The following CHRDL1 variants were observed in gnomAD, a reference collection of about 807,000 sequenced individuals.
The protein encoded by CHRDL1 is chordin-like protein 1.
CHRDL1 carries 19 observed loss-of-function variants against 40.9 expected under a neutral mutation model. The observed-to-expected ratio is 0.46, with a 90% CI of 0.32 to 0.68. CHRDL1 has a LOEUF of 0.68. Among genes scored for constraint, CHRDL1 ranks in the 30% least tolerant of loss-of-function variants. The pLI, the probability that CHRDL1 is intolerant of heterozygous loss-of-function variation, is 0.03. For synonymous variants in CHRDL1, 136 were observed against 123.4 expected (o/e 1.10, Z -0.68); for missense variants, 329 against 352.1 (o/e 0.93, Z 0.53).
At chrX:110,722,328 A>T (rs1356869486) in intron 4 of CHRDL1, among the ~76,000 whole-genome samples, 1 of 110,098 alleles carries the variant, frequency 9.1e-6, no homozygotes, top group African/African-American at 3.3e-5. Flanking sequence ...TTTTGTGCTT[A>T]TCTGTTTGTT....
At chrX:110,766,445 C>T (rs1385161277) in intron 2 of CHRDL1, among the ~76,000 whole-genome samples, 2 of 111,327 alleles carry the variant, frequency 1.8e-5, no homozygotes, top group African/African-American at 3.3e-5. Context: ...AATCGATAGA[C>T]CATTAGCAAG....
intron 4 of CHRDL1, among the ~76,000 whole-genome samples, chrX:110,734,894 A>C (rs1237429781): frequency 8.9e-6 from 1 of 111,841 alleles, no homozygotes; most frequent in Non-Finnish European, 1.9e-5. Flanking sequence ...TAAATCAATG[A>C]TTCTTCACGA....
At chrX:110,691,141 G>C (rs767373577) in intron 8 of CHRDL1, among the ~76,000 whole-genome samples, 2 of 107,991 alleles carry the variant, frequency 1.9e-5, no homozygotes, top group East Asian at 5.8e-4. Context: ...TTGGGCCCGG[G>C]AAGTCGAGGC....
chrX:110,773,494 C>T (rs1007461896), intron 2 of CHRDL1, among the ~76,000 whole-genome samples: 1 of 110,341 alleles, frequency 9.1e-6, no homozygotes, highest in Admixed American at 9.6e-5. Flanking sequence ...TTTGGGAGGC[C>T]GAGGCGGGCG....
chrX:110,691,488 C>T (rs779042910), intron 8 of CHRDL1, among the ~76,000 whole-genome samples: 29 of 110,313 alleles, frequency 2.6e-4, no homozygotes, highest in African/African-American at 8.6e-4. Flanking sequence ...ATTCCCATCA[C>T]CTCATCACAC....
intron 2 of CHRDL1, among the ~76,000 whole-genome samples, chrX:110,766,052 A>T (rs993852107): frequency 8.9e-6 from 1 of 111,869 alleles, no homozygotes; most frequent in African/African-American, 3.2e-5. Context: ...GAACCTTCAA[A>T]ACCACACAAA....
intron 4 of CHRDL1, among the ~76,000 whole-genome samples, chrX:110,734,958 T>C (rs1375738773): frequency 8.9e-6 from 1 of 112,177 alleles, no homozygotes; most frequent in Non-Finnish European, 1.9e-5. Context: ...ACTGCCTTCC[T>C]CTTCTCCCTG....
intron 4 of CHRDL1, among the ~76,000 whole-genome samples, chrX:110,722,222 C>T (rs1262221043): frequency 9.0e-6 from 1 of 110,986 alleles, no homozygotes; most frequent in Non-Finnish European, 1.9e-5. Context: ...CTCTCAAACT[C>T]CTGACCTCAA....
chrX:110,696,680 T>A (rs963579684), intron 7 of CHRDL1, among the ~76,000 whole-genome samples: 2 of 111,530 alleles, frequency 1.8e-5, no homozygotes, highest in Non-Finnish European at 3.8e-5. Context: ...TACCACATAC[T>A]CCACTTTGGC....
intron 2 of CHRDL1, among the ~76,000 whole-genome samples, chrX:110,770,481 C>T (rs2089735559): frequency 9.0e-6 from 1 of 110,806 alleles, no homozygotes; most frequent in African/African-American, 3.3e-5. Flanking sequence ...AAATCAATAT[C>T]TTAAACTAGA....
intron 6 of CHRDL1, among the ~76,000 whole-genome samples, chrX:110,712,369 A>T (rs1442778619): frequency 1.8e-5 from 2 of 111,196 alleles, no homozygotes; most frequent in Non-Finnish European, 3.8e-5. Context: ...ACATAACAGG[A>T]GGGAAGGTAG....
In CHRDL1 at chrX:110,705,304, T is replaced by TAC. The variant is rs1209653546; in HGVS notation, c.542-4585_542-4584dup. On this transcript the variant is annotated intron_variant, in intron 6 of 11. Coordinates refer to ENST00000372042, the MANE Select transcript of CHRDL1 (RefSeq NM_001143981.2). ...GACTATATATATATATATATATATA[T>TAC]ACACACACACATATATATATACACA... Among the ~76,000 whole-genome samples the TAC allele has an allele frequency of 6.8e-4, 53 of 77,591 alleles. 1 individual carries two copies. Among genetic ancestry groups the TAC allele is most frequent in the Middle Eastern group, 0.014 (2 of 143 alleles). The allele number at this position is 77,591 out of a possible 115,157, so 67.4% of individuals were successfully genotyped here.
intron 2 of CHRDL1, among the ~76,000 whole-genome samples, chrX:110,773,978 G>A (rs1037314753): frequency 2.7e-5 from 3 of 111,113 alleles, no homozygotes; most frequent in African/African-American, 9.8e-5. Flanking sequence ...AAGGGGTATA[G>A]AAGCCTCCAG....
intron 5 of CHRDL1, among the ~76,000 whole-genome samples, chrX:110,720,277 G>A (rs1230978518): frequency 9.0e-6 from 1 of 110,632 alleles, no homozygotes; most frequent in Non-Finnish European, 1.9e-5. Flanking sequence ...CAGCTGGATT[G>A]GGGGTTTAAA....
At chrX:110,782,436 C>T (rs1045560515) in intron 2 of CHRDL1, among the ~76,000 whole-genome samples, 1 of 112,379 alleles carries the variant, frequency 8.9e-6, no homozygotes, top group Admixed American at 9.4e-5. Flanking sequence ...TCTCCTGCTA[C>T]GTAGTTGGTA....
At chrX:110,682,678 C>A (rs772483396) in intron 9 of CHRDL1, among the ~76,000 whole-genome samples, 1 of 112,331 alleles carries the variant, frequency 8.9e-6, no homozygotes, top group Non-Finnish European at 1.9e-5. Context: ...CAATCAGACA[C>A]ATTTGGACTA....
chrX:110,689,083 T>TAA (rs2070095828), intron 8 of CHRDL1, among the ~76,000 whole-genome samples: 4 of 81,547 alleles, frequency 4.9e-5, no homozygotes, highest in African/African-American at 1.8e-4. Flanking sequence ...TATATATATA[T>TAA]ATATATATAT....
In CHRDL1 at chrX:110,767,242, T is replaced by C. The variant is rs1362858187; in HGVS notation, c.95-4435A>G. Among the ~76,000 whole-genome samples, 3 of 111,530 alleles carry C rather than the reference T, an allele frequency of 2.7e-5. No individual in the cohort carries two copies. In the East Asian group the frequency reaches 8.5e-4, roughly 31 times the overall value. On this transcript the variant is annotated intron_variant, in intron 2 of 11. Transcript: ENST00000372042. ...AACTCACAGCTAACATAATACTGAATGGGGAAAAGTTGAAAGCATTCCCTC... is the reference window on the plus strand; with the variant it reads ...AACTCACAGCTAACATAATACTGAACGGGGAAAAGTTGAAAGCATTCCCTC...
intron 4 of CHRDL1, among the ~76,000 whole-genome samples, chrX:110,731,111 TC>T (rs2071151925): frequency 9.0e-6 from 1 of 111,340 alleles, no homozygotes; most frequent in Admixed American, 9.6e-5. Flanking sequence ...TAAACTCTCT[TC>T]CTCTCCACCC....
Sources: allele counts gnomAD v4.1 joint callset (sites outside exome capture counted in the v4.1 genomes callset), GRCh38; gene constraint gnomAD v4.1.1; transcripts MANE v1.5; gene names NCBI Gene and HGNC (gene_info 2026-07-23, HGNC 2026-07-21).